The following SGCZ variants were observed in gnomAD, a reference collection of about 807,000 sequenced individuals.
SGCZ encodes the protein zeta-sarcoglycan.
In SGCZ, 40 loss-of-function variants were observed where a neutral mutation model predicts 41.3. The observed-to-expected ratio is 0.97, with a 90% CI of 0.75 to 1.26. SGCZ has a LOEUF of 1.26. SGCZ is among the 50% of genes most tolerant of loss of function. SGCZ has a pLI of 0.00. For synonymous variants in SGCZ, 206 were observed against 137.5 expected, an observed-to-expected ratio of 1.50 and a Z score of -3.49; for missense variants, 552 against 369.8, an observed-to-expected ratio of 1.49 and a Z score of -4.04.
At chr8:15,130,652 G>A (rs1320309226) in intron 1 of SGCZ, among the ~76,000 whole-genome samples, 6 of 152,090 alleles carry the variant, frequency 3.9e-5, no homozygotes, top group Non-Finnish European at 8.8e-5. Flanking sequence ...GTTACTTTAA[G>A]AATAAATGAT....
chr8:14,621,930 A>C (rs1806300513), intron 1 of SGCZ, among the ~76,000 whole-genome samples: 1 of 152,140 alleles, frequency 6.6e-6, no homozygotes, highest in South Asian at 2.1e-4. Context: ...ATCTCTCCCC[A>C]AACCATACAG....
chr8:14,904,745 T>C (rs1003709892), intron 1 of SGCZ, among the ~76,000 whole-genome samples: 2 of 152,036 alleles, frequency 1.3e-5, no homozygotes, highest in African/African-American at 4.8e-5. Context: ...ATAGTCTATG[T>C]TACTGTTCTA....
chr8:14,234,866 G>C (rs1433668391), intron 4 of SGCZ, among the ~76,000 whole-genome samples: 1 of 152,148 alleles, frequency 6.6e-6, no homozygotes, highest in Non-Finnish European at 1.5e-5. Flanking sequence ...CACTTTCTGT[G>C]TTGTGTTTTG....
At chr8:15,048,345 G>T (rs1359328041) in intron 1 of SGCZ, among the ~76,000 whole-genome samples, 1 of 152,032 alleles carries the variant, frequency 6.6e-6, no homozygotes, top group Admixed American at 6.6e-5. Context: ...GGAAGAAGAA[G>T]ATGAAGAGAG....
chr8:15,060,903 G>C (rs929138508), intron 1 of SGCZ, among the ~76,000 whole-genome samples: 1 of 152,120 alleles, frequency 6.6e-6, no homozygotes, highest in African/African-American at 2.4e-5. Flanking sequence ...GCCTTGGCTG[G>C]ATTGCTTCGA....
At chr8:14,570,784 T>A (rs1053156668) in intron 1 of SGCZ, among the ~76,000 whole-genome samples, 3 of 152,184 alleles carry the variant, frequency 2.0e-5, no homozygotes, top group African/African-American at 7.2e-5. Context: ...TTTCAACCCC[T>A]ATCTGCCTCT....
intron 1 of SGCZ, among the ~76,000 whole-genome samples, chr8:14,724,526 T>G (rs1809990828): frequency 1.3e-5 from 2 of 151,890 alleles, no homozygotes; most frequent in South Asian, 4.1e-4. Flanking sequence ...TTGCACCTCA[T>G]AAAAGCTTAT....
intron 1 of SGCZ, among the ~76,000 whole-genome samples, chr8:15,015,687 CAAAA>C (rs61080299): frequency 2.5e-5 from 3 of 121,790 alleles, no homozygotes; most frequent in Admixed American, 9.3e-5. Context: ...GACTCCATCT[CAAAA>C]AAAAAAAAAA....
At chr8:15,063,401 T>C (rs1177786219) in intron 1 of SGCZ, among the ~76,000 whole-genome samples, 4 of 152,110 alleles carry the variant, frequency 2.6e-5, no homozygotes, top group East Asian at 3.9e-4. Flanking sequence ...ATTTCTTACA[T>C]GGAGAAAAAG....
intron 1 of SGCZ, among the ~76,000 whole-genome samples, chr8:15,224,543 A>T (rs1801706392): frequency 6.6e-6 from 1 of 152,186 alleles, no homozygotes; most frequent in South Asian, 2.1e-4. Context: ...TCTGGGATTA[A>T]ACATAACTCA....
At chr8:14,786,629 C>T (rs990006823) in intron 1 of SGCZ, among the ~76,000 whole-genome samples, 1 of 151,982 alleles carries the variant, frequency 6.6e-6, no homozygotes, top group Non-Finnish European at 1.5e-5. Context: ...ATGCTGAAGC[C>T]TCCCTTAAAT....
chr8:14,292,240 C>T (rs1800864716), intron 3 of SGCZ, among the ~76,000 whole-genome samples: 1 of 151,806 alleles, frequency 6.6e-6, no homozygotes, highest in African/African-American at 2.4e-5. Context: ...AATGAACAAA[C>T]AATTGTAGTA....
In SGCZ at chr8:14,972,211, C is replaced by T. The variant is rs144630700; in HGVS notation, c.39+265374G>A. The stretch of plus-strand genomic sequence containing the variant: ...ATTAGTAATTTAAAATATGGGCATA[C>T]ATTTACCCATAATATTCCCTTATTA... On this transcript the variant is annotated intron_variant, in intron 1 of 7. Transcript: ENST00000382080. Among the ~76,000 whole-genome samples, 6 of 152,240 alleles carry T rather than the reference C, an allele frequency of 3.9e-5. No individual in the cohort carries two copies. In the East Asian group the frequency reaches 1.2e-3, roughly 29 times the overall value.
At chr8:14,658,719 C>T (rs1807654047) in intron 1 of SGCZ, among the ~76,000 whole-genome samples, 1 of 152,036 alleles carries the variant, frequency 6.6e-6, no homozygotes, top group African/African-American at 2.4e-5. Flanking sequence ...TATTAATATA[C>T]TAATAATTTC....
chr8:14,521,177 A>G (rs79547301), intron 2 of SGCZ, among the ~76,000 whole-genome samples: 2,328 of 152,232 alleles, frequency 0.015, 115 homozygotes, highest in Admixed American at 0.086. Context: ...GATCCCTCAC[A>G]TTGCCCTTTG....
At chr8:14,343,810 AT>A (rs1189790663) in intron 2 of SGCZ, among the ~76,000 whole-genome samples, 1 of 152,136 alleles carries the variant, frequency 6.6e-6, no homozygotes, top group African/African-American at 2.4e-5. Context: ...TATAGAGAGT[AT>A]TTATCATTTT....
chr8:14,093,595 T>C (rs1027516987), intron 7 of SGCZ, among the ~76,000 whole-genome samples: 2 of 152,114 alleles, frequency 1.3e-5, no homozygotes, highest in Admixed American at 6.6e-5. Flanking sequence ...GGGGGAGATA[T>C]TAACTGGGTG....
In SGCZ at chr8:14,630,935, G is replaced by T. The variant is rs10097131; in HGVS notation, c.40-76009C>A. 5.1e-3 allele frequency among the ~76,000 whole-genome samples: 770 copies of T among 151,898 alleles called. 3 individuals are homozygous for T. The highest frequency in any genetic ancestry group is 0.018 in the African/African-American group (736 of 41,428). On this transcript the variant is annotated intron_variant, in intron 1 of 7. Coordinates refer to ENST00000382080, the MANE Select transcript of SGCZ (RefSeq NM_139167.4). ...TACCTAATGTAAATGACGAGTTAAC[G>T]GATGCAGCACACCAATATGGCACAT...
intron 4 of SGCZ, among the ~76,000 whole-genome samples, chr8:14,166,860 A>G (rs1461579730): frequency 2.0e-5 from 3 of 152,184 alleles, no homozygotes; most frequent in Non-Finnish European, 4.4e-5. Context: ...AAATAAGCAA[A>G]GGCAAATAAG....
Sources: gnomAD v4.1 joint callset for allele counts (sites outside exome capture counted in the v4.1 genomes callset) on GRCh38, gnomAD v4.1.1 for gene constraint, MANE v1.5 for transcripts, NCBI Gene and HGNC (gene_info 2026-07-23, HGNC 2026-07-21) for gene names.